KCTD2: variants seen among roughly 807,000 people sequenced by gnomAD.
The protein encoded by KCTD2 is potassium channel tetramerization domain containing 2.
A neutral mutation model predicts 27.9 loss-of-function variants in KCTD2; 18 were observed. The ratio of observed to expected loss-of-function variants is 0.64; its 90% CI spans 0.45 to 0.96. The LOEUF (loss-of-function observed/expected upper bound fraction) is 0.96, where lower values mean the gene tolerates loss of function less well. Among genes scored for constraint, KCTD2 ranks in the 40% least tolerant of loss-of-function variants. The probability of loss-of-function intolerance (pLI) is 0.00; values close to 1 mark genes in which losing one functional copy is unlikely to be tolerated. For synonymous variants in KCTD2, 175 were observed against 148.4 expected (o/e 1.18, Z -1.30); for missense variants, 280 against 348.0 (o/e 0.80, Z 1.56).
At chr17:75,043,150 G>A (rs146138726), upstream of KCTD2, among the ~76,000 whole-genome samples, 37 of 152,344 alleles carry the variant, frequency 2.4e-4, no homozygotes, top group African/African-American at 8.7e-4. Context: ...GAACCCAGGA[G>A]GCAGAGGTTG....
At chr17:75,040,364 G>GGA in intron 3 of KCTD2, 2 of 604,132 alleles carry the variant, frequency 3.3e-6, no homozygotes, top group Non-Finnish European at 5.9e-6. Context: ...ACTGGGAACA[G>GGA]GAGCTCAAGG....
At chr17:75,038,883 T>C in intron 3 of KCTD2, 1 of 1,562,824 alleles carries the variant, frequency 6.4e-7, no homozygotes, top group Non-Finnish European at 8.7e-7. Flanking sequence ...TTATTTTTAA[T>C]GTCCAGAATG....
intron 3 of KCTD2, among the ~76,000 whole-genome samples, chr17:75,038,287 G>A (rs535366381): frequency 2.6e-5 from 4 of 151,426 alleles, no homozygotes; most frequent in African/African-American, 7.3e-5. Context: ...GGCGCCCCCC[G>A]CCCCACCACC....
At chr17:75,041,815 A>T in intron 3 of KCTD2, 1 of 171,850 alleles carries the variant, frequency 5.8e-6, no homozygotes, top group Non-Finnish European at 1.2e-5. Flanking sequence ...GTAGCGCGTT[A>T]TGCCGATCGG....
At chr17:75,042,181 C>A in intron 3 of KCTD2, 2 of 1,613,578 alleles carry the variant, frequency 1.2e-6, no homozygotes, top group Non-Finnish European at 1.7e-6. Flanking sequence ...GAAGTCTCAC[C>A]TTCTTCTCAA....
rs1264640527 is a variant in KCTD2, at chr17:75,064,242, CAG to C, written c.*1198_*1199del. 1 of 152,282 alleles carries C rather than the reference CAG, an allele frequency of 6.6e-6. No homozygotes were observed. Among genetic ancestry groups the C allele is most frequent in the Non-Finnish European group, 1.5e-5 (1 of 68,084 alleles). 9.4% of individuals were successfully genotyped at this position (152,282 alleles called of 1,614,324 possible). A position where few individuals can be genotyped will look rare whatever the true frequency, so the allele number is the denominator to read the frequency against. ...AGCACCCTCTTTCGGGCTGCATCCACAGAGTTTGTGTCCACACTTTCTCTCCG... is the reference window on the plus strand; with the variant it reads ...AGCACCCTCTTTCGGGCTGCATCCACAGTTTGTGTCCACACTTTCTCTCCG... On this transcript the variant is annotated 3_prime_UTR_variant, in exon 6 of 6. Coordinates refer to ENST00000322444, the MANE Select transcript of KCTD2 (RefSeq NM_015353.3).
chr17:75,063,078 GAGAGC>G lies in KCTD2; in HGVS notation c.*34_*38del, dbSNP rs2144944857. ...GACCCCGAAAACTCCAGACCTTCAGGAGAGCAGTCAGCAGAGCCCCTCTGTGAAGT... is the reference window on the plus strand; with the variant it reads ...GACCCCGAAAACTCCAGACCTTCAGGAGTCAGCAGAGCCCCTCTGTGAAGT... On this transcript the variant is annotated 3_prime_UTR_variant, in exon 6 of 6. Transcript: ENST00000322444. The G allele has an allele frequency of 6.2e-7, 1 of 1,609,140 alleles. No individual in the cohort carries two copies. Among genetic ancestry groups the G allele is most frequent in the Non-Finnish European group, 8.5e-7 (1 of 1,175,924 alleles).
Position 75,062,205 on chromosome 17 carries a change from C to G in KCTD2, c.722C>G (p.Ser241Cys), listed in dbSNP as rs764914296. ...LCVVSRELNN[S>C]TNGIVIEPSE... The stretch of plus-strand genomic sequence containing the variant: ...GTTGTCTCCAGAGAACTAAATAATT[C>G]TACCAATGGCATCGTCATAGAGCCG... The change falls in exon 5 of 6, where the codon TCT becomes TGT. Residue 241 changes from serine (S) to cysteine (C), a missense_variant. Coordinates refer to ENST00000322444, the MANE Select transcript of KCTD2 (RefSeq NM_015353.3). 1 of 1,613,970 alleles carries G rather than the reference C, an allele frequency of 6.2e-7. No homozygotes were observed. The highest frequency in any genetic ancestry group is 2.2e-5 in the East Asian group (1 of 44,866).
At chr17:75,051,701 G>A (rs2073289946) in intron 2 of KCTD2, among the ~76,000 whole-genome samples, 1 of 151,442 alleles carries the variant, frequency 6.6e-6, no homozygotes, top group South Asian at 2.1e-4. Flanking sequence ...ATAGATTGCA[G>A]ATTTCACCCC....
upstream of KCTD2, among the ~76,000 whole-genome samples, chr17:75,044,498 C>A (rs1422126518): frequency 7.8e-6 from 1 of 128,850 alleles, no homozygotes; most frequent in Non-Finnish European, 1.5e-5. Flanking sequence ...AGCCACCGCG[C>A]CCGGCCCTAA....
Position 75,047,283 on chromosome 17 carries a change from G to C in KCTD2, c.33G>C (p.Ala11=), listed in dbSNP as rs1261720059. 2.2e-5 allele frequency: 25 copies of C among 1,128,582 alleles called. No homozygotes were observed. The East Asian group carries it at 8.1e-4, about 37-fold the overall frequency. The allele number at this position is 1,128,582 out of a possible 1,614,324, so 69.9% of individuals were successfully genotyped here. MAELQLDPAM[A]GLGGGGGSGV... is the part of the protein sequence containing the mutation. Reference sequence around the variant, plus strand: ...AACTGCAGCTGGACCCGGCGATGGCGGGGCTGGGAGGGGGCGGCGGGAGTG... The same window carrying C: ...AACTGCAGCTGGACCCGGCGATGGCCGGGCTGGGAGGGGGCGGCGGGAGTG... Residue 11 remains alanine (A), a synonymous_variant, in exon 1 of 6, where the codon GCG becomes GCC. Coordinates refer to ENST00000322444, the MANE Select transcript of KCTD2 (RefSeq NM_015353.3).
At chr17:75,037,322 C>A (rs972282584) in intron 3 of KCTD2, among the ~76,000 whole-genome samples, 1 of 140,748 alleles carries the variant, frequency 7.1e-6, no homozygotes, top group African/African-American at 2.7e-5. Context: ...CCAGCCTGGG[C>A]GACAAAGCAA....
chr17:75,051,508 A>C (rs1167934008), intron 2 of KCTD2, among the ~76,000 whole-genome samples: 2 of 137,766 alleles, frequency 1.5e-5, no homozygotes, highest in African/African-American at 5.5e-5. Flanking sequence ...CTGGTCTTGA[A>C]CTCCTGACCT....
chr17:75,043,687 ACT>A (rs762751308), upstream of KCTD2, among the ~76,000 whole-genome samples: 5 of 151,260 alleles, frequency 3.3e-5, no homozygotes, highest in Non-Finnish European at 7.4e-5. Flanking sequence ...TAAAAATAAC[ACT>A]CTTATTGCAT....
rs1054137319 is a variant in KCTD2, at chr17:75,063,298, C to T, written c.*251C>T. On this transcript the variant is annotated 3_prime_UTR_variant, in exon 6 of 6. Coordinates refer to ENST00000322444, the MANE Select transcript of KCTD2 (RefSeq NM_015353.3). Reference sequence around the variant, plus strand: ...TTCATTTGCTTAGCCAGTATTAGAACAGATCTTTACAACAGCAGCTGGGCT... The same window carrying T: ...TTCATTTGCTTAGCCAGTATTAGAATAGATCTTTACAACAGCAGCTGGGCT... 12 of 530,078 alleles carry T rather than the reference C, an allele frequency of 2.3e-5. No individual in the cohort carries two copies. In the Admixed American group the frequency reaches 3.7e-4, roughly 17 times the overall value. The allele number at this position is 530,078 out of a possible 1,614,324, so 32.8% of individuals were successfully genotyped here.
upstream of KCTD2, among the ~76,000 whole-genome samples, chr17:75,046,671 A>G (rs1266749359): frequency 6.6e-6 from 1 of 152,236 alleles, no homozygotes; most frequent in Non-Finnish European, 1.5e-5. Flanking sequence ...TGCACGAGAC[A>G]CGGCTTGTGG....
chr17:75,042,418 T>G (rs1325426423), upstream of KCTD2: 1 of 1,518,070 alleles, frequency 6.6e-7, no homozygotes. Context: ...ATGCAAGGAT[T>G]TCTTTATATG....
At chr17:75,051,774 G>GT (rs2073290963) in intron 2 of KCTD2, among the ~76,000 whole-genome samples, 1 of 152,152 alleles carries the variant, frequency 6.6e-6, no homozygotes, top group African/African-American at 2.4e-5. Flanking sequence ...AGACAGTACA[G>GT]TTATCAAACT....
chr17:75,053,858 C>CTTTTTTTTTTTTTTTTTT lies in KCTD2; in HGVS notation c.540+762_540+779dup, dbSNP rs71159419. 3.2e-4 allele frequency among the ~76,000 whole-genome samples: 19 copies of CTTTTTTTTTTTTTTTTTT among 59,322 alleles called. 3 individuals carry two copies. Among genetic ancestry groups the CTTTTTTTTTTTTTTTTTT allele is most frequent in the Non-Finnish European group, 5.0e-4 (18 of 35,766 alleles). 38.9% of individuals were successfully genotyped at this position (59,322 alleles called of 152,430 possible). On this transcript the variant is annotated intron_variant, in intron 3 of 5. Coordinates refer to ENST00000322444, the MANE Select transcript of KCTD2 (RefSeq NM_015353.3). ...CTTCAGCAGCTGCTTGTGAACCATG[C>CTTTTTTTTTTTTTTTTTT]TTTTTTTTTTTTTTTTTTTTTTTTT...
Sources: gnomAD v4.1 joint callset for allele counts (sites outside exome capture counted in the v4.1 genomes callset) on GRCh38, gnomAD v4.1.1 for gene constraint, MANE v1.5 for transcripts, NCBI Gene and HGNC (gene_info 2026-07-23, HGNC 2026-07-21) for gene names.